The following ZNF106 variants were observed in gnomAD, a reference collection of about 807,000 sequenced individuals.
ZNF106 encodes SH3-domain binding protein 3.
In ZNF106, 67 loss-of-function variants were observed where a neutral mutation model predicts 195.1. That is an observed-to-expected ratio of 0.34 (90% CI 0.28 to 0.42). The LOEUF (loss-of-function observed/expected upper bound fraction) is 0.42. ZNF106 is among the 10% of genes least tolerant of loss of function. The pLI is 1.00. For missense variants in ZNF106, 2,118 were observed against 2,304.5 expected, an observed-to-expected ratio of 0.92 and a Z score of 1.66; for synonymous variants, 784 against 818.6, an observed-to-expected ratio of 0.96 and a Z score of 0.72.
intron 6 of ZNF106, among the ~76,000 whole-genome samples, 196 bp downstream of exon 6, chr15:42,447,876 T>C (rs1473138691): frequency 6.6e-6 from 1 of 152,244 alleles, no homozygotes; most frequent in Non-Finnish European, 1.5e-5. Context: ...TGTACATTCA[T>C]ATTAGATTAC....
intron 1 of ZNF106, among the ~76,000 whole-genome samples, chr15:42,476,542 C>G (rs2141434899): frequency 6.6e-6 from 1 of 152,300 alleles, no homozygotes; most frequent in East Asian, 1.9e-4. Flanking sequence ...CTCAGGTGAT[C>G]CACCAGCCTC....
intron 15 of ZNF106, 113 bp downstream of exon 15, chr15:42,427,904 GC>G: frequency 1.3e-6 from 1 of 793,144 alleles, no homozygotes; most frequent in Non-Finnish European, 2.1e-6. Context: ...GGCTAATTCT[GC>G]TGCTTCCTCA....
chr15:42,431,860 C>T (rs1370181952), intron 14 of ZNF106, among the ~76,000 whole-genome samples: 1 of 152,078 alleles, frequency 6.6e-6, no homozygotes, highest in African/African-American at 2.4e-5. Context: ...GTGATCCACC[C>T]GCCTCAGCCT....
intron 1 of ZNF106, among the ~76,000 whole-genome samples, chr15:42,473,546 C>A (rs2056724135): frequency 6.6e-6 from 1 of 152,120 alleles, no homozygotes; most frequent in African/African-American, 2.4e-5. Flanking sequence ...CCTTATGGTT[C>A]CCGTGGCTCA....
At position 42,487,379 on chromosome 15, in the gene ZNF106, TAAG is replaced by T. The variant is rs201756196; in HGVS notation, c.-33+3598_-33+3600del. On this transcript the variant is annotated intron_variant, in intron 1 of 21. Transcript: ENST00000564754. ...GGCACGCACCTGTAGTCCCAGCTAC[TAAG>T]AAGGCTGAGGTGGGAAGAGGATTGC... Among the ~76,000 whole-genome samples, 1,417 of 147,186 alleles carry T rather than the reference TAAG, an allele frequency of 9.6e-3. 20 individuals are homozygous for T. The highest frequency in any genetic ancestry group is 0.034 in the African/African-American group (1,348 of 39,622).
At chr15:42,423,897 G>A in intron 17 of ZNF106, 101 bp downstream of exon 17, 1 of 1,105,264 alleles carries the variant, frequency 9.0e-7, no homozygotes, top group Non-Finnish European at 1.3e-6. Context: ...CCCTTCGGTG[G>A]ATAAAGGGCT....
chr15:42,424,683 T>G, intron 16 of ZNF106, 151 bp downstream of exon 16: 2 of 708,932 alleles, frequency 2.8e-6, no homozygotes, highest in Non-Finnish European at 4.6e-6. Context: ...TTTTGCCATG[T>G]TGCCCTGGCT....
At chr15:42,456,155 G>A (rs1208030975) in intron 4 of ZNF106, among the ~76,000 whole-genome samples, 3 of 152,254 alleles carry the variant, frequency 2.0e-5, no homozygotes, top group Middle Eastern at 3.4e-3. Context: ...GAAGCAACAC[G>A]TTAATTCACA....
At chr15:42,482,825 G>A (rs142254449) in intron 1 of ZNF106, among the ~76,000 whole-genome samples, 40 of 152,036 alleles carry the variant, frequency 2.6e-4, no homozygotes, top group African/African-American at 8.0e-4. Context: ...CACCGCGCCC[G>A]GCAAAATCCT....
chr15:42,449,632 T>C (rs551793432), intron 5 of ZNF106, 139 bp downstream of exon 5: 2 of 1,182,460 alleles, frequency 1.7e-6, no homozygotes, highest in South Asian at 1.5e-5. Flanking sequence ...CACTATTTGA[T>C]ATTAAATCAA....
chr15:42,454,591 T>G (rs761447314), intron 4 of ZNF106, among the ~76,000 whole-genome samples: 13 of 151,540 alleles, frequency 8.6e-5, no homozygotes, highest in Non-Finnish European at 1.5e-4. Context: ...CCTGAAGAAG[T>G]AGATGATTTT....
At position 42,462,395 on chromosome 15, in the gene ZNF106, C is replaced by T. The variant is rs942449348; in HGVS notation, c.116+3658G>A. ...GGTGGATCATCTGAGGTCAGGAGTT[C>T]GAGACCAGCCTGGTCAACATGGCGA... On this transcript the variant is annotated intron_variant, in intron 3 of 21. Transcript: ENST00000564754. 4.6e-5 allele frequency among the ~76,000 whole-genome samples: 7 copies of T among 152,070 alleles called. 1 individual carries two copies. Among genetic ancestry groups the T allele is most frequent in the Non-Finnish European group, 5.9e-5 (4 of 68,016 alleles).
intron 16 of ZNF106, chr15:42,424,621 G>A (rs2054787048): frequency 2.0e-6 from 1 of 509,844 alleles, no homozygotes. Context: ...AAGTAGTACA[G>A]GTGCACACCA....
chr15:42,442,260 T>C lies in ZNF106; in HGVS notation c.3576A>G (p.Pro1192=), dbSNP rs1356436241. ...FLEPPSSHVS[P]SPTGASLQIT... ...TTTGAAGAGAGGCTCCGGTGGGTGA[T>C]GGAGACACATGGGAAGATGGAGGCT... The change falls in exon 10 of 22, where the codon CCA becomes CCG. Residue 1192 remains proline (P), a synonymous_variant. Coordinates refer to ENST00000564754, the MANE Select transcript of ZNF106 (RefSeq NM_001366845.3). The C allele has an allele frequency of 1.9e-6, 3 of 1,614,116 alleles. No individual in the cohort carries two copies. The highest frequency in any genetic ancestry group is 1.3e-5 in the African/African-American group (1 of 75,012).
intron 1 of ZNF106, among the ~76,000 whole-genome samples, chr15:42,473,515 G>A (rs531918821): frequency 3.5e-4 from 53 of 152,144 alleles, no homozygotes; most frequent in African/African-American, 1.2e-3. Context: ...TCTCTGCCTG[G>A]AATATTCTTC....
chr15:42,442,544 A>G (rs1567010692), intron 9 of ZNF106, 130 bp from the exon 10 acceptor site: 9 of 679,362 alleles, frequency 1.3e-5, no homozygotes, highest in Non-Finnish European at 7.1e-6. Context: ...AGTCCCTCAT[A>G]ATTCTCCGAA....
At chr15:42,449,631 A>T in intron 5 of ZNF106, 140 bp downstream of exon 5, 1 of 1,173,040 alleles carries the variant, frequency 8.5e-7, no homozygotes, top group Non-Finnish European at 1.2e-6. Context: ...TCACTATTTG[A>T]TATTAAATCA....
At chr15:42,478,609 A>G (rs1222251106) in intron 1 of ZNF106, among the ~76,000 whole-genome samples, 4 of 137,928 alleles carry the variant, frequency 2.9e-5, no homozygotes, top group African/African-American at 1.1e-4. Flanking sequence ...TCCGCCTCCC[A>G]GGTTCAAGCA....
In ZNF106 at chr15:42,448,615, G is replaced by A. The variant is rs1204878672; in HGVS notation, c.2592C>T (p.Phe864=). The part of the protein sequence containing the change: ...GEPDLSSLEG[F]QWEGVSISSS... ...AGGAAATGGAAACACCTTCCCACTG[G>A]AATCCTTCTAGACTGGACAGATCAG... is the stretch of plus-strand genomic sequence containing the variant. Residue 864 remains phenylalanine (F), a synonymous_variant, in exon 6 of 22, where the codon TTC becomes TTT. Coordinates refer to ENST00000564754, the MANE Select transcript of ZNF106 (RefSeq NM_001366845.3). 6.2e-7 allele frequency: 1 copy of A among 1,613,884 alleles called. No homozygotes were observed. Among genetic ancestry groups the A allele is most frequent in the East Asian group, 2.2e-5 (1 of 44,882 alleles).
Sources: gnomAD v4.1 joint callset for allele counts (sites outside exome capture counted in the v4.1 genomes callset) on GRCh38, gnomAD v4.1.1 for gene constraint, MANE v1.5 for transcripts, NCBI Gene and HGNC (gene_info 2026-07-23, HGNC 2026-07-21) for gene names.